TTC39C: variants seen among roughly 807,000 people sequenced by gnomAD.
TTC39C encodes tetratricopeptide repeat domain 39C.
TTC39C carries 33 observed loss-of-function variants against 76.3 expected under a neutral mutation model. The observed-to-expected ratio is 0.43, with a 90% CI of 0.33 to 0.58. The LOEUF (loss-of-function observed/expected upper bound fraction) is 0.58, where lower values mean the gene tolerates loss of function less well. Among genes scored for constraint, TTC39C ranks in the 20% least tolerant of loss-of-function variants. TTC39C has a pLI of 0.04. For synonymous variants in TTC39C, 254 were observed against 260.6 expected (o/e 0.97, Z 0.24); for missense variants, 595 against 701.4 (o/e 0.85, Z 1.71).
At chr18:24,107,891 G>GGGC (rs1555776845) in intron 6 of TTC39C, among the ~76,000 whole-genome samples, 1 of 145,256 alleles carries the variant, frequency 6.9e-6, no homozygotes, top group Non-Finnish European at 1.5e-5. Flanking sequence ...CCCAAGTAGG[G>GGGC]GGGGGGGTAC....
chr18:23,993,467 G>A (rs1022763750), intron 1 of TTC39C, among the ~76,000 whole-genome samples: 2 of 152,008 alleles, frequency 1.3e-5, no homozygotes, highest in African/African-American at 2.4e-5. Flanking sequence ...TGAAGTACAC[G>A]GACCCCTTTT....
chr18:24,006,712 T>C (rs1391122116), intron 1 of TTC39C, among the ~76,000 whole-genome samples: 2 of 152,158 alleles, frequency 1.3e-5, no homozygotes, highest in African/African-American at 4.8e-5. Context: ...AAAACATCAG[T>C]AATTATCAAT....
chr18:24,036,489 G>A (rs573961739), intron 1 of TTC39C, among the ~76,000 whole-genome samples: 126 of 152,116 alleles, frequency 8.3e-4, no homozygotes, highest in Non-Finnish European at 1.6e-3. Flanking sequence ...ATTGTAAATG[G>A]AACTTTCTTA....
At chr18:24,108,850 G>A (rs1455499274) in intron 6 of TTC39C, among the ~76,000 whole-genome samples, 2 of 152,134 alleles carry the variant, frequency 1.3e-5, no homozygotes, top group African/African-American at 4.8e-5. Context: ...AATTATGCCT[G>A]TTAGATAAAA....
intron 1 of TTC39C, among the ~76,000 whole-genome samples, chr18:24,063,305 G>A (rs545495573): frequency 5.7e-4 from 86 of 152,174 alleles, no homozygotes; most frequent in Non-Finnish European, 9.7e-4. Context: ...CTAAGGTTCT[G>A]GGATTGATGA....
intron 1 of TTC39C, among the ~76,000 whole-genome samples, chr18:24,009,715 A>G (rs2083380931): frequency 6.6e-6 from 1 of 152,220 alleles, no homozygotes; most frequent in Admixed American, 6.5e-5. Context: ...AAAGCGGTGG[A>G]GGAGAGACAA....
At chr18:24,131,712 CAAA>C (rs11307092) in intron 12 of TTC39C, among the ~76,000 whole-genome samples, 167 bp from the exon 13 acceptor site, 19 of 122,324 alleles carry the variant, frequency 1.6e-4, no homozygotes, top group Admixed American at 1.6e-4. Flanking sequence ...AACTCCATCT[CAAA>C]AAAAAAAAAA....
At chr18:24,078,988 TC>T (rs2084341941) in intron 4 of TTC39C, among the ~76,000 whole-genome samples, 1 of 152,186 alleles carries the variant, frequency 6.6e-6, no homozygotes, top group Non-Finnish European at 1.5e-5. Context: ...CACTCTCAAT[TC>T]CGGGATTGGG....
intron 1 of TTC39C, among the ~76,000 whole-genome samples, chr18:24,001,092 T>A (rs1317072317): frequency 6.6e-6 from 1 of 152,210 alleles, no homozygotes; most frequent in African/African-American, 2.4e-5. Flanking sequence ...ACAGCTGCCT[T>A]GCCTTCACTC....
chr18:24,105,689 C>A (rs551499759), intron 6 of TTC39C, among the ~76,000 whole-genome samples: 1 of 152,356 alleles, frequency 6.6e-6, no homozygotes, highest in Admixed American at 6.5e-5. Flanking sequence ...TTCCATGCCA[C>A]CACATGGGTG....
intron 1 of TTC39C, chr18:24,015,356 TCTGCAG>T (rs1490958413): frequency 4.2e-6 from 1 of 239,284 alleles, no homozygotes; most frequent in South Asian, 1.5e-4. Flanking sequence ...TAGGCTCCTC[TCTGCAG>T]GGCAGCTGGC....
chr18:24,113,831 A>G (rs984475782), intron 6 of TTC39C: 4 of 626,860 alleles, frequency 6.4e-6, no homozygotes, highest in Non-Finnish European at 1.2e-5. Flanking sequence ...GGGAGTAAGT[A>G]GAGCGGACAT....
chr18:24,005,826 CTGAG>C (rs1490467033), intron 1 of TTC39C, among the ~76,000 whole-genome samples: 2 of 150,150 alleles, frequency 1.3e-5, no homozygotes, highest in Non-Finnish European at 2.9e-5. Context: ...GCATGGCCGA[CTGAG>C]TGAGACCCTG....
chr18:24,004,633 A>G (rs756706680), intron 1 of TTC39C, among the ~76,000 whole-genome samples: 3 of 152,182 alleles, frequency 2.0e-5, no homozygotes, highest in Non-Finnish European at 4.4e-5. Context: ...ATCACATGAA[A>G]TGCTCTTGTT....
In TTC39C at chr18:24,062,886, A is replaced by G. The variant is rs143085999; in HGVS notation, c.168-1254A>G. ...TATATTTGGCCTTGCCTGCAAAAAC[A>G]TATGTACAAGATGTCCATTAGGCAT... On this transcript the variant is annotated intron_variant, in intron 1 of 13. Transcript: ENST00000317571. Among the ~76,000 whole-genome samples the G allele has an allele frequency of 2.9e-3, 445 of 152,322 alleles. 5 individuals carry two copies. Among genetic ancestry groups the G allele is most frequent in the African/African-American group, 9.9e-3 (413 of 41,578 alleles).
At chr18:24,044,592 G>A (rs940513536) in intron 1 of TTC39C, among the ~76,000 whole-genome samples, 1 of 152,118 alleles carries the variant, frequency 6.6e-6, no homozygotes, top group African/African-American at 2.4e-5. Flanking sequence ...GGAAAGGGAA[G>A]AACATAGAGC....
At chr18:24,087,962 A>G (rs2084466511) in intron 6 of TTC39C, among the ~76,000 whole-genome samples, 1 of 152,216 alleles carries the variant, frequency 6.6e-6, no homozygotes, top group Admixed American at 6.5e-5. Flanking sequence ...GGCTGAATGA[A>G]TAGATGAAGC....
chr18:24,085,975 A>G (rs769937007), intron 6 of TTC39C, among the ~76,000 whole-genome samples: 3 of 152,182 alleles, frequency 2.0e-5, no homozygotes, highest in South Asian at 4.1e-4. Context: ...AGAAATGACC[A>G]TGTCATCCTT....
At chr18:24,111,398 A>G (rs2084807790) in intron 6 of TTC39C, among the ~76,000 whole-genome samples, 1 of 151,836 alleles carries the variant, frequency 6.6e-6, no homozygotes, top group South Asian at 2.1e-4. Flanking sequence ...GTGAAACCTC[A>G]TCTGTACTAA....
Sources: gnomAD v4.1 joint callset for allele counts (sites outside exome capture counted in the v4.1 genomes callset) on GRCh38, gnomAD v4.1.1 for gene constraint, MANE v1.5 for transcripts, NCBI Gene and HGNC (gene_info 2026-07-23, HGNC 2026-07-21) for gene names.